Variants in ENTREP2 observed in about 807,000 individuals in gnomAD.
ENTREP2 encodes the protein endosomal transmembrane epsin interactor 2.
chr15:29,504,339 T>C, the ENTREP2 span, among the ~76,000 whole-genome samples: 1 of 152,102 alleles, frequency 6.6e-6, no homozygotes, highest in Non-Finnish European at 1.5e-5. Flanking sequence ...TCAACCCACA[T>C]GGAAGTGGAA....
chr15:29,628,416 G>A, the ENTREP2 span, among the ~76,000 whole-genome samples: 3 of 152,134 alleles, frequency 2.0e-5, no homozygotes, highest in African/African-American at 7.2e-5. Flanking sequence ...ATTTGTGAAG[G>A]TTTGTTTTTT....
At chr15:29,252,462 A>G in the ENTREP2 span, 1 of 1,548,344 alleles carries the variant, frequency 6.5e-7, no homozygotes, top group Non-Finnish European at 8.7e-7. Flanking sequence ...TGCAGAAAGC[A>G]GCATGAAAAA....
At chr15:29,137,364 C>A in the ENTREP2 span, among the ~76,000 whole-genome samples, 8 of 152,306 alleles carry the variant, frequency 5.3e-5, no homozygotes, top group East Asian at 5.8e-4. Flanking sequence ...AGGAGGAACG[C>A]CTCGTCTCAG....
At chr15:29,480,338 CAAAA>C in the ENTREP2 span, among the ~76,000 whole-genome samples, 113 of 29,404 alleles carry the variant, frequency 3.8e-3, no homozygotes, top group Admixed American at 7.5e-3. Context: ...TTCACTATAG[CAAAA>C]AAAAAAAAAA....
At chr15:29,350,775 T>C in the ENTREP2 span, among the ~76,000 whole-genome samples, 2 of 152,068 alleles carry the variant, frequency 1.3e-5, no homozygotes. Context: ...AAACCCTGTC[T>C]ATACTAAAAA....
the ENTREP2 span, among the ~76,000 whole-genome samples, chr15:29,623,037 A>G: frequency 6.6e-6 from 1 of 152,222 alleles, no homozygotes; most frequent in Non-Finnish European, 1.5e-5. Context: ...TGTAGCAGTT[A>G]AATTTTACAG....
chr15:29,429,223 A>G, the ENTREP2 span, among the ~76,000 whole-genome samples: 1 of 149,956 alleles, frequency 6.7e-6, no homozygotes, highest in East Asian at 2.0e-4. Context: ...CCATCCATCC[A>G]TCCATCCATC....
At chr15:29,136,049 A>G in the ENTREP2 span, among the ~76,000 whole-genome samples, 12 of 152,328 alleles carry the variant, frequency 7.9e-5, no homozygotes, top group Admixed American at 3.3e-4. Flanking sequence ...GGCTGCAGAA[A>G]TGGAACTGGG....
At chr15:29,298,105 A>G in the ENTREP2 span, among the ~76,000 whole-genome samples, 15 of 152,208 alleles carry the variant, frequency 9.9e-5, no homozygotes, top group Admixed American at 2.6e-4. Context: ...ACTATATAAC[A>G]AAAAGATACT....
chr15:29,255,257 T>C, the ENTREP2 span, among the ~76,000 whole-genome samples: 50 of 152,348 alleles, frequency 3.3e-4, no homozygotes, highest in African/African-American at 1.1e-3. Flanking sequence ...TTGTTTTCAG[T>C]TGTCAGACAT....
chr15:29,118,779 G>GACAATTCTGGCAGCTCTGCCAGCACTTAC, the ENTREP2 span, among the ~76,000 whole-genome samples: 1 of 146,792 alleles, frequency 6.8e-6, no homozygotes, highest in Non-Finnish European at 1.5e-5. Context: ...TGTCTAGAGT[G>GACAATTCTGGCAGCTCTGCCAGCACTTAC]ACAATTCTGG....
the ENTREP2 span, among the ~76,000 whole-genome samples, chr15:29,438,545 C>T: frequency 2.0e-5 from 3 of 152,082 alleles, no homozygotes; most frequent in Non-Finnish European, 4.4e-5. Flanking sequence ...CACCCAGAGA[C>T]CCCCTGAGGC....
the ENTREP2 span, among the ~76,000 whole-genome samples, chr15:29,608,697 G>A: frequency 3.9e-5 from 6 of 151,966 alleles, no homozygotes; most frequent in Non-Finnish European, 7.4e-5. Context: ...CTCCCGAGTA[G>A]CTGGGACTAC....
At chr15:29,290,922 G>A in the ENTREP2 span, among the ~76,000 whole-genome samples, 1 of 152,326 alleles carries the variant, frequency 6.6e-6, no homozygotes, top group East Asian at 1.9e-4. Flanking sequence ...TTAATCCCAA[G>A]TGACTTAATC....
the ENTREP2 span, among the ~76,000 whole-genome samples, chr15:29,544,771 T>C: frequency 6.6e-6 from 1 of 152,158 alleles, no homozygotes; most frequent in Non-Finnish European, 1.5e-5. Flanking sequence ...ATTCTTCACA[T>C]GCTAACAGTT....
chr15:29,587,055 G>C, the ENTREP2 span, among the ~76,000 whole-genome samples: 1 of 151,884 alleles, frequency 6.6e-6, no homozygotes, highest in Non-Finnish European at 1.5e-5. Context: ...CCCAGGCTAG[G>C]TTACATACAG....
chr15:29,498,387 T>C, the ENTREP2 span, among the ~76,000 whole-genome samples: 1 of 152,186 alleles, frequency 6.6e-6, no homozygotes, highest in South Asian at 2.1e-4. Context: ...TTTCTTCTGC[T>C]CCATTGGTTG....
chr15:29,493,086 T>C, the ENTREP2 span, among the ~76,000 whole-genome samples: 38 of 149,754 alleles, frequency 2.5e-4, no homozygotes, highest in Non-Finnish European at 5.9e-5. Context: ...AACTTATTAG[T>C]AATTCAATAA....
At chr15:29,629,042 G>T in the ENTREP2 span, among the ~76,000 whole-genome samples, 1 of 152,122 alleles carries the variant, frequency 6.6e-6, no homozygotes, top group Admixed American at 6.6e-5. Flanking sequence ...AATCCACTAT[G>T]CCCGGCCAGG....
Sources: gnomAD v4.1 joint callset for allele counts (sites outside exome capture counted in the v4.1 genomes callset) on GRCh38, gnomAD v4.1.1 for gene constraint, MANE v1.5 for transcripts, NCBI Gene and HGNC (gene_info 2026-07-23, HGNC 2026-07-21) for gene names.